F12: variants seen among roughly 807,000 people sequenced by gnomAD.
F12 encodes the protein coagulation factor XII.
In F12, 70 loss-of-function variants were observed where a neutral mutation model predicts 74.8. The observed-to-expected ratio is 0.94, with a 90% CI of 0.77 to 1.14. F12 has a LOEUF of 1.14. F12 is among the 50% of genes most tolerant of loss of function. The pLI, the probability that F12 is intolerant of heterozygous loss-of-function variation, is 0.00. For missense variants in F12, 811 were observed against 835.7 expected, an observed-to-expected ratio of 0.97 and a Z score of 0.36; for synonymous variants, 373 against 356.4, an observed-to-expected ratio of 1.05 and a Z score of -0.52.
At chr5:177,406,226 A>C (rs41309746) in intron 2 of F12, among the ~76,000 whole-genome samples, 165 bp from the exon 3 acceptor site, 2,001 of 152,238 alleles carry the variant, frequency 0.013, 28 homozygotes, top group African/African-American at 0.037. Flanking sequence ...CGGTGGCTCA[A>C]GCCTGTAATC....
In F12 at chr5:177,404,270, A is replaced by G; in HGVS notation, c.944T>C (p.Leu315Pro). 6.3e-7 allele frequency: 1 copy of G among 1,596,870 alleles called. No individual in the cohort carries two copies. The highest frequency in any genetic ancestry group is 1.7e-4 in the Middle Eastern group (1 of 5,976). ...TPVSPRLHVP[L>P]MPAQPAPPKP... ...CGGCGGTGCCGGCTGCGCGGGCATG[A>G]GTGGGACATGAAGCCTAGGGGACAC... Residue 315 changes from leucine (L) to proline (P), a missense_variant, in exon 9 of 14, where the codon CTC becomes CCC. Physicochemically the swap from Leu to Pro is moderately conservative, Grantham distance 98. Coordinates refer to ENST00000253496, the MANE Select transcript of F12 (RefSeq NM_000505.4).
chr5:177,409,233 A>T (rs1763352145), intron 1 of F12, 130 bp from the exon 2 acceptor site: 1 of 1,068,146 alleles, frequency 9.4e-7, no homozygotes, highest in Admixed American at 2.0e-5. Flanking sequence ...AACCCTTTCT[A>T]CCTCCCCCCG....
intron 2 of F12, among the ~76,000 whole-genome samples, chr5:177,406,446 G>T (rs548500996): frequency 1.3e-5 from 2 of 151,578 alleles, no homozygotes; most frequent in Non-Finnish European, 3.0e-5. Context: ...CCGAGATCGC[G>T]CCACTGCACT....
In F12 at chr5:177,402,240, C is replaced by T. The variant is rs777623342; in HGVS notation, c.*52G>A. The T allele has an allele frequency of 8.1e-6, 13 of 1,605,266 alleles. No individual in the cohort carries two copies. Among genetic ancestry groups the T allele is most frequent in the Admixed American group, 3.4e-5 (2 of 59,402 alleles). On this transcript the variant is annotated 3_prime_UTR_variant, in exon 14 of 14. Transcript: ENST00000253496. ...CACAATCTTGCCTTCCATGCCCCAG[C>T]CACTCTCTCACTGCGGAATCACCAA...
chr5:177,405,168 G>A lies in F12; in HGVS notation c.415C>T (p.Gln139Ter). ...HCQKEKCFEP[Q>*]LLRFFHKNEI... Reference sequence around the variant, plus strand: ...TTCTTGTGGAAAAACCGGAGAAGCTGAGGCTCAAAGCACTTCTCTGGGGAC... The same window carrying A: ...TTCTTGTGGAAAAACCGGAGAAGCTAAGGCTCAAAGCACTTCTCTGGGGAC... Residue 139 changes from glutamine (Q) to a stop codon, truncating the protein, a stop_gained, in exon 6 of 14, where the codon CAG (glutamine) becomes TAG (stop). Transcript: ENST00000253496. LOFTEE classifies it high-confidence loss of function. 1 of 1,614,006 alleles carries A rather than the reference G, an allele frequency of 6.2e-7. No individual in the cohort carries two copies. The highest frequency in any genetic ancestry group is 8.5e-7 in the Non-Finnish European group (1 of 1,180,040).
rs1581657630 is a variant in F12 at position 177,404,517 on chromosome 5, C to T, written c.782G>A (p.Gly261Asp). 6.3e-7 allele frequency: 1 copy of T among 1,594,616 alleles called. No homozygotes were observed. The highest frequency in any genetic ancestry group is 8.5e-7 in the Non-Finnish European group (1 of 1,171,162). ...TAEQARNWGL[G>D]GHAFCRNPDN... Reference sequence around the variant, plus strand: ...GGCGCACCGGCAGAAGGCGTGGCCGCCCAGTCCCCAGTTCCGCGCTTGCTC... The same window carrying T: ...GGCGCACCGGCAGAAGGCGTGGCCGTCCAGTCCCCAGTTCCGCGCTTGCTC... Residue 261 changes from glycine to aspartate, a missense_variant, in exon 8 of 14, where the codon GGC (glycine) becomes GAC (aspartate). By Grantham distance (94) the Gly-to-Asp change is moderately conservative. Coordinates refer to ENST00000253496, the MANE Select transcript of F12 (RefSeq NM_000505.4).
In F12 at chr5:177,405,062, G is replaced by C; in HGVS notation, c.521C>G (p.Ala174Gly). 2 of 1,612,260 alleles carry C rather than the reference G, an allele frequency of 1.2e-6. No homozygotes were observed. Among genetic ancestry groups the C allele is most frequent in the Non-Finnish European group, 1.7e-6 (2 of 1,179,932 alleles). ...CCCAACCATCTGCTCACCCTGGCTG[G>C]CCAGCCGCTGGCAGTGGGCATCAGG... The part of the protein sequence containing the change: ...KGPDAHCQRL[A>G]SQACRTNPCL... The change falls in exon 6 of 14, where the codon GCC becomes GGC. Residue 174 changes from alanine to glycine, a missense_variant. By Grantham distance (60) the Ala-to-Gly change is moderately conservative (BLOSUM62 0). Transcript: ENST00000253496.
chr5:177,406,047 C>G lies in F12; in HGVS notation c.130G>C (p.Gly44Arg). ...TGGAAGGGGAAGTGGCAGGGCTCCCCGGTGACAGTGAGAACTGCAGGGACA... is the reference window on the plus strand; with the variant it reads ...TGGAAGGGGAAGTGGCAGGGCTCCCGGGTGACAGTGAGAACTGCAGGGACA... ...EEHTVVLTVT[G>R]EPCHFPFQYH... is the part of the protein sequence containing the mutation. The change falls in exon 3 of 14, where the codon GGG becomes CGG. Residue 44 changes from glycine to arginine, a missense_variant. Physicochemically the swap from Gly to Arg is moderately radical, Grantham distance 125 (BLOSUM62 -2). Transcript: ENST00000253496. 1 of 1,614,018 alleles carries G rather than the reference C, an allele frequency of 6.2e-7. No homozygotes were observed.
rs1301635414 is a variant in F12 at position 177,404,099 on chromosome 5, G to C, written c.1019-9C>G. On this transcript the variant is annotated splice_polypyrimidine_tract_variant and intron_variant, in intron 9 of 13. Transcript: ENST00000253496. ...CCGCTTCGCCGGCAAGGCTGTGGAG[G>C]AGCAGGGGCTGAGGACGGAGAGCCC... The C allele has an allele frequency of 2.5e-6, 4 of 1,601,626 alleles. No individual in the cohort carries two copies. The African/African-American group carries it at 4.0e-5, about 16-fold the overall frequency.
Position 177,403,926 on chromosome 5 carries a change from T to C in F12, c.1183A>G (p.Ser395Gly), listed in dbSNP as rs1414955430. Reference sequence around the variant, plus strand: ...GCGATGAGGCTGCCGGCGCAGAAACTGTGGCCCCAGTACAGCGCGGCGATG... The same window carrying C: ...GCGATGAGGCTGCCGGCGCAGAAACCGTGGCCCCAGTACAGCGCGGCGATG... The part of the protein sequence containing the change: ...PYIAALYWGH[S>G]FCAGSLIAPC... The change falls in exon 10 of 14, where the codon AGT (serine) becomes GGT (glycine). Residue 395 changes from serine to glycine, a missense_variant. Coordinates refer to ENST00000253496, the MANE Select transcript of F12 (RefSeq NM_000505.4). The C allele has an allele frequency of 6.3e-7, 1 of 1,596,352 alleles. No homozygotes were observed.
In F12 at chr5:177,404,825, C is replaced by T. The variant is rs17876030; in HGVS notation, c.619G>A (p.Ala207Thr). The T allele has an allele frequency of 1.2e-6, 2 of 1,607,286 alleles. No individual in the cohort carries two copies. The highest frequency in any genetic ancestry group is 4.5e-5 in the East Asian group (2 of 44,542). ...LCHCPVGYTG[A>T]FCDVDTKASC... is the part of the protein sequence containing the mutation. ...CCTCACTCACCCACGTCGCAGAAGG[C>T]TCCGGTGTAGCCCACCGGGCAGTGG... The change falls in exon 7 of 14, where the codon GCC becomes ACC. Residue 207 changes from alanine to threonine, a missense_variant. Transcript: ENST00000253496.
At position 177,404,929 on chromosome 5, in the gene F12, G is replaced by A. The variant is rs771372062; in HGVS notation, c.530-15C>T. The A allele has an allele frequency of 2.5e-6, 4 of 1,592,524 alleles. No individual in the cohort carries two copies. In the East Asian group the frequency reaches 6.8e-5, roughly 27 times the overall value. On this transcript the variant is annotated splice_polypyrimidine_tract_variant and intron_variant, in intron 6 of 13. Coordinates refer to ENST00000253496, the MANE Select transcript of F12 (RefSeq NM_000505.4). ...GGTGCGGCAGGCTTGGGGAGGGAAC[G>A]CAGTGAGCCACCCCTGGGCCTAAAG...
intron 2 of F12, among the ~76,000 whole-genome samples, chr5:177,407,213 C>T (rs1163076289): frequency 6.6e-6 from 1 of 152,108 alleles, no homozygotes; most frequent in Non-Finnish European, 1.5e-5. Context: ...ATGTTGTGAC[C>T]AGAGGCTCAC....
intron 4 of F12, 29 bp from the exon 5 acceptor site, chr5:177,405,462 G>T (rs750665247): frequency 6.3e-7 from 1 of 1,598,490 alleles, no homozygotes; most frequent in South Asian, 1.1e-5. Context: ...GGAAGGAAGA[G>T]CAGGGAGCTG....
chr5:177,408,872 G>T (rs1354082341), intron 2 of F12, among the ~76,000 whole-genome samples, 174 bp downstream of exon 2: 2 of 152,206 alleles, frequency 1.3e-5, no homozygotes, highest in African/African-American at 4.8e-5. Flanking sequence ...TGGGCACTTA[G>T]ACACAGCCCA....
rs770164366 is a variant in F12, at chr5:177,404,193, A to G, written c.1018+3T>C. ...CTCCTCCTTCCCCCCCCCACTTCCT[A>G]ACCTCCCGGGGTCTGGGACTGAGGC... On this transcript the variant is annotated splice_donor_region_variant and intron_variant, in intron 9 of 13. Coordinates refer to ENST00000253496, the MANE Select transcript of F12 (RefSeq NM_000505.4). 6.2e-6 allele frequency: 10 copies of G among 1,600,446 alleles called. No homozygotes were observed. The African/African-American group carries it at 1.2e-4, about 19-fold the overall frequency.
rs750078388 is a variant in F12, at chr5:177,402,488, G to T, written c.1681-29C>A. 3.1e-6 allele frequency: 5 copies of T among 1,599,036 alleles called. No individual in the cohort carries two copies. The South Asian group carries it at 5.6e-5, about 18-fold the overall frequency. ...GGTCGGAAACACGCAGCTCAGCGCTGTGGACCTGAGATTTGTGCCTGACGG... is the reference window on the plus strand; with the variant it reads ...GGTCGGAAACACGCAGCTCAGCGCTTTGGACCTGAGATTTGTGCCTGACGG... On this transcript the variant is annotated intron_variant, in intron 13 of 13. Coordinates refer to ENST00000253496, the MANE Select transcript of F12 (RefSeq NM_000505.4).
intron 12 of F12, chr5:177,402,968 G>A (rs983002890): frequency 1.5e-6 from 1 of 670,298 alleles, no homozygotes; most frequent in Non-Finnish European, 2.5e-6. Flanking sequence ...ACACTAGCCC[G>A]GAGCGCGGGG....
In F12 at chr5:177,405,194, A is replaced by G. The variant is rs901159533; in HGVS notation, c.398-9T>C. On this transcript the variant is annotated splice_polypyrimidine_tract_variant and intron_variant, in intron 5 of 13. Coordinates refer to ENST00000253496, the MANE Select transcript of F12 (RefSeq NM_000505.4). ...AGGCTCAAAGCACTTCTCTGGGGAC[A>G]AAGAGGGATAGTGGTCTCAGGAGAG... The G allele has an allele frequency of 3.1e-6, 5 of 1,613,734 alleles. No homozygotes were observed. The highest frequency in any genetic ancestry group is 2.7e-5 in the African/African-American group (2 of 74,948).
Sources: gnomAD v4.1 joint callset for allele counts (sites outside exome capture counted in the v4.1 genomes callset) on GRCh38, gnomAD v4.1.1 for gene constraint, MANE v1.5 for transcripts, NCBI Gene and HGNC (gene_info 2026-07-23, HGNC 2026-07-21) for gene names.